The following EPHA6 variants were observed in gnomAD, a reference collection of about 807,000 sequenced individuals.
EPHA6 encodes the protein EPH receptor A6.
EPHA6 carries 50 observed loss-of-function variants against 112.0 expected under a neutral mutation model. The observed-to-expected ratio is 0.45, with a 90% confidence interval of 0.36 to 0.56. The LOEUF is 0.56. Ranked by LOEUF, EPHA6 falls within the 20% of genes least tolerant of loss-of-function variation. The pLI is 0.00. For missense variants in EPHA6, 1,280 were observed against 1,417.4 expected, an observed-to-expected ratio of 0.90 and a Z score of 1.56; for synonymous variants, 529 against 490.7, an observed-to-expected ratio of 1.08 and a Z score of -1.03.
chr3:97,355,830 G>C (rs2084042414), intron 5 of EPHA6, among the ~76,000 whole-genome samples: 1 of 151,896 alleles, frequency 6.6e-6, no homozygotes, highest in Non-Finnish European at 1.5e-5. Context: ...GAAAATAAAG[G>C]GATAAAGATA....
intron 3 of EPHA6, among the ~76,000 whole-genome samples, chr3:97,157,431 C>CT (rs1392696528): frequency 4.6e-5 from 7 of 152,166 alleles, no homozygotes; most frequent in Non-Finnish European, 7.4e-5. Context: ...AATATTTCTA[C>CT]TTAGCAGTAC....
chr3:97,540,764 A>G (rs2092837733), intron 11 of EPHA6, among the ~76,000 whole-genome samples: 1 of 152,224 alleles, frequency 6.6e-6, no homozygotes. Context: ...ATGCATACAT[A>G]ATGTTTTCTT....
chr3:97,617,955 C>A (rs142258113), intron 13 of EPHA6, among the ~76,000 whole-genome samples: 51 of 152,232 alleles, frequency 3.4e-4, no homozygotes, highest in African/African-American at 1.2e-3. Context: ...AAGACCTCTC[C>A]ACTCCAATGC....
intron 17 of EPHA6, 74 bp downstream of exon 17, chr3:97,747,646 A>G: frequency 6.8e-6 from 9 of 1,328,602 alleles, no homozygotes; most frequent in Non-Finnish European, 8.9e-6. Context: ...TGTATCAAGA[A>G]CACCTTTCCT....
chr3:96,953,950 G>A (rs1474290269), intron 2 of EPHA6, among the ~76,000 whole-genome samples: 1 of 151,662 alleles, frequency 6.6e-6, no homozygotes, highest in Non-Finnish European at 1.5e-5. Context: ...TCAGCTCACT[G>A]CAACCTCTGC....
intron 2 of EPHA6, among the ~76,000 whole-genome samples, chr3:96,981,539 C>T (rs911849842): frequency 6.6e-6 from 1 of 151,862 alleles, no homozygotes; most frequent in African/African-American, 2.4e-5. Flanking sequence ...CTCTGCGAGG[C>T]TTTAGTATCA....
Position 97,177,944 on chromosome 3 carries a change from C to T in EPHA6, c.1115-48320C>T, listed in dbSNP as rs2076882880. Among the ~76,000 whole-genome samples the T allele has an allele frequency of 3.3e-5, 5 of 152,068 alleles. No individual in the cohort carries two copies. The South Asian group carries it at 8.3e-4, about 25-fold the overall frequency. On this transcript the variant is annotated intron_variant, in intron 3 of 17. Transcript: ENST00000389672. ...TTGTTTGGAGAGTTTGGTCCATTTA[C>T]ATTCAATGTTATTATTGATAAGTAA...
At chr3:97,208,557 G>A (rs138704521) in intron 3 of EPHA6, among the ~76,000 whole-genome samples, 95 of 152,012 alleles carry the variant, frequency 6.2e-4, no homozygotes, top group African/African-American at 2.2e-3. Context: ...ACCAGCTTGG[G>A]CAACATGGTG....
intron 14 of EPHA6, among the ~76,000 whole-genome samples, chr3:97,713,375 C>T (rs565413366): frequency 1.3e-5 from 2 of 152,116 alleles, no homozygotes; most frequent in Admixed American, 1.3e-4. Flanking sequence ...ATCCTCAGCA[C>T]ACATAATGAA....
chr3:96,930,104 T>C (rs1014199266), intron 2 of EPHA6, among the ~76,000 whole-genome samples: 1 of 152,208 alleles, frequency 6.6e-6, no homozygotes, highest in Non-Finnish European at 1.5e-5. Context: ...GCTATTTTGG[T>C]TGTCAGCTCC....
intron 5 of EPHA6, among the ~76,000 whole-genome samples, chr3:97,292,915 C>A (rs2080742070): frequency 6.6e-6 from 1 of 150,746 alleles, no homozygotes; most frequent in Non-Finnish European, 1.5e-5. Flanking sequence ...GAGAGGAGAC[C>A]TGTGGTGGGT....
At chr3:97,330,927 A>C (rs1319951376) in intron 5 of EPHA6, among the ~76,000 whole-genome samples, 2 of 152,126 alleles carry the variant, frequency 1.3e-5, no homozygotes, top group African/African-American at 4.8e-5. Context: ...CTCCACCCCA[A>C]ATCAACAGAA....
At chr3:97,560,832 G>T (rs2093179285) in intron 11 of EPHA6, among the ~76,000 whole-genome samples, 1 of 151,912 alleles carries the variant, frequency 6.6e-6, no homozygotes, top group African/African-American at 2.4e-5. Flanking sequence ...AAGGTTTTTG[G>T]CAACATTGCA....
At chr3:97,130,437 T>C (rs1298936077) in intron 3 of EPHA6, among the ~76,000 whole-genome samples, 4 of 151,774 alleles carry the variant, frequency 2.6e-5, no homozygotes, top group Non-Finnish European at 4.4e-5. Context: ...TAGGATCATG[T>C]TAATGATTTT....
At chr3:97,048,659 A>C (rs1208723389) in intron 3 of EPHA6, among the ~76,000 whole-genome samples, 1 of 152,218 alleles carries the variant, frequency 6.6e-6, no homozygotes, top group East Asian at 1.9e-4. Flanking sequence ...TTAGATCTGT[A>C]ATATTTGTAC....
At chr3:96,951,421 C>T (rs1043207161) in intron 2 of EPHA6, among the ~76,000 whole-genome samples, 8 of 152,054 alleles carry the variant, frequency 5.3e-5, no homozygotes, top group African/African-American at 1.9e-4. Flanking sequence ...TAAAAAGGCA[C>T]GTAACTCTTT....
intron 3 of EPHA6, among the ~76,000 whole-genome samples, chr3:97,098,739 G>A (rs1007339316): frequency 4.0e-5 from 6 of 151,740 alleles, no homozygotes; most frequent in Admixed American, 1.3e-4. Flanking sequence ...GGAACACTTC[G>A]TAGTCTGTAT....
chr3:97,132,552 T>C (rs1275538539), intron 3 of EPHA6, among the ~76,000 whole-genome samples: 1 of 152,102 alleles, frequency 6.6e-6, no homozygotes, highest in East Asian at 1.9e-4. Context: ...TGCTCTTAGC[T>C]GTTTTCCAGA....
intron 5 of EPHA6, among the ~76,000 whole-genome samples, chr3:97,266,668 T>G (rs529542553): frequency 3.9e-5 from 6 of 152,298 alleles, no homozygotes; most frequent in Non-Finnish European, 8.8e-5. Flanking sequence ...ATAGTAATAT[T>G]ACACTGATTT....
Sources: allele counts gnomAD v4.1 joint callset (sites outside exome capture counted in the v4.1 genomes callset), GRCh38; gene constraint gnomAD v4.1.1; transcripts MANE v1.5; gene names NCBI Gene and HGNC (gene_info 2026-07-23, HGNC 2026-07-21).